Variants in YIPF7 observed in about 807,000 individuals in gnomAD.
The protein encoded by YIPF7 is protein YIPF7.
A neutral mutation model predicts 27.2 loss-of-function variants in YIPF7; 35 were observed. The observed-to-expected ratio is 1.29, with a 90% CI of 0.98 to 1.70. The LOEUF is 1.70. Among genes scored for constraint, YIPF7 ranks in the 40% most tolerant of loss-of-function variants. The probability of loss-of-function intolerance (pLI) is 0.00; values close to 1 mark genes in which losing one functional copy is unlikely to be tolerated. For synonymous variants in YIPF7, 137 were observed against 110.4 expected (o/e 1.24, Z -1.51); for missense variants, 358 against 303.7 (o/e 1.18, Z -1.33).
At chr4:44,659,945 CT>C (rs1713997254) in intron 2 of YIPF7, among the ~76,000 whole-genome samples, 1 of 151,488 alleles carries the variant, frequency 6.6e-6, no homozygotes, top group African/African-American at 2.4e-5. Context: ...AACCCCGTCT[CT>C]ACTAAAAATA....
At chr4:44,652,778 A>G (rs548632748), upstream of YIPF7, among the ~76,000 whole-genome samples, 1 of 152,302 alleles carries the variant, frequency 6.6e-6, no homozygotes, top group East Asian at 1.9e-4. Context: ...ATAACTGGGC[A>G]TTGTTCTACA....
upstream of YIPF7, among the ~76,000 whole-genome samples, chr4:44,655,255 T>A (rs1324226228): frequency 6.6e-6 from 1 of 152,070 alleles, no homozygotes; most frequent in Non-Finnish European, 1.5e-5. Context: ...TGTCTATTAA[T>A]CTAAGTATAA....
intron 1 of YIPF7, among the ~76,000 whole-genome samples, chr4:44,660,873 G>A (rs536524222): frequency 4.6e-5 from 7 of 152,254 alleles, no homozygotes; most frequent in Non-Finnish European, 7.4e-5. Context: ...GGAAAAAATT[G>A]AGACTTATTT....
chr4:44,628,058 T>C (rs1162713444), intron 4 of YIPF7, among the ~76,000 whole-genome samples: 1 of 152,176 alleles, frequency 6.6e-6, no homozygotes, highest in Admixed American at 6.5e-5. Context: ...TGAGTTAATA[T>C]ATTAAATTGA....
At chr4:44,629,125 C>A (rs954425758) in intron 4 of YIPF7, 7 of 263,912 alleles carry the variant, frequency 2.7e-5, no homozygotes, top group Non-Finnish European at 4.2e-5. Flanking sequence ...TTCCATTATT[C>A]CAGATTTACA....
chr4:44,629,961 C>T (rs1367769274), intron 3 of YIPF7, among the ~76,000 whole-genome samples: 1 of 152,094 alleles, frequency 6.6e-6, no homozygotes, highest in African/African-American at 2.4e-5. Context: ...ATTTCCTTTT[C>T]CTGCATTTTC....
At chr4:44,642,312 A>T (rs1713352450) in intron 2 of YIPF7, among the ~76,000 whole-genome samples, 1 of 152,194 alleles carries the variant, frequency 6.6e-6, no homozygotes, top group Admixed American at 6.5e-5. Flanking sequence ...TTCCTCTACC[A>T]CTTATTTAAG....
chr4:44,629,382 G>T, intron 4 of YIPF7, 21 bp downstream of exon 4: 1 of 1,568,080 alleles, frequency 6.4e-7, no homozygotes. Context: ...TTAAAATCTG[G>T]TGCTTCCTGT....
At position 44,622,560 on chromosome 4, in the gene YIPF7, T is replaced by C. The variant is rs1187817413; in HGVS notation, c.625A>G (p.Met209Val). ...CAGCCAATGATGACCAGGGATGACA[T>C]GATTCCAAAGATGCCCCTGCAGCAA... ...FFSLQGIFGI[M>V]SSLVIIGWCS... The change falls in exon 6 of 6, where the codon ATG becomes GTG. Residue 209 changes from methionine (M) to valine (V), a missense_variant. Met to Val is a conservative substitution (Grantham distance 21). Coordinates refer to ENST00000415895, the MANE Select transcript of YIPF7 (RefSeq NM_182592.3). The C allele has an allele frequency of 2.5e-6, 4 of 1,613,216 alleles. No homozygotes were observed. Among genetic ancestry groups the C allele is most frequent in the Admixed American group, 1.7e-5 (1 of 59,870 alleles).
chr4:44,646,824 C>A (rs987890533), intron 2 of YIPF7, among the ~76,000 whole-genome samples: 6 of 152,060 alleles, frequency 3.9e-5, no homozygotes, highest in South Asian at 2.1e-4. Flanking sequence ...GTGAAAGAGG[C>A]AAAGACAGAG....
At chr4:44,635,719 T>G (rs1347902) in intron 3 of YIPF7, among the ~76,000 whole-genome samples, 1 of 152,112 alleles carries the variant, frequency 6.6e-6, no homozygotes, top group African/African-American at 2.4e-5. Flanking sequence ...ACAGAATATC[T>G]CATATCTGCA....
chr4:44,624,938 T>C (rs950212910), intron 4 of YIPF7, among the ~76,000 whole-genome samples, 156 bp from the exon 5 acceptor site: 4 of 152,120 alleles, frequency 2.6e-5, no homozygotes, highest in Non-Finnish European at 5.9e-5. Context: ...GGGAAAAACA[T>C]GGCCAATGGT....
At chr4:44,641,984 CT>C (rs1713341216) in intron 2 of YIPF7, among the ~76,000 whole-genome samples, 1 of 152,046 alleles carries the variant, frequency 6.6e-6, no homozygotes, top group African/African-American at 2.4e-5. Context: ...CCCCCAATAC[CT>C]ATTTTTTTAA....
At chr4:44,624,484 A>G in intron 5 of YIPF7, 117 bp downstream of exon 5, 1 of 1,211,300 alleles carries the variant, frequency 8.3e-7, no homozygotes, top group South Asian at 1.8e-5. Context: ...TTTAATAGCC[A>G]TGGTTTTCCC....
chr4:44,651,895 A>C (rs921626570), upstream of YIPF7, among the ~76,000 whole-genome samples: 3 of 152,222 alleles, frequency 2.0e-5, no homozygotes, highest in Non-Finnish European at 2.9e-5. Flanking sequence ...AGCAGTTAAA[A>C]AGTAAGAGGC....
chr4:44,634,144 T>C (rs1713022692), intron 3 of YIPF7, among the ~76,000 whole-genome samples: 1 of 152,210 alleles, frequency 6.6e-6, no homozygotes, highest in Non-Finnish European at 1.5e-5. Context: ...AAGGCGTGTT[T>C]AAATTACGGT....
At chr4:44,627,700 C>G (rs1375167732) in intron 4 of YIPF7, among the ~76,000 whole-genome samples, 1 of 152,080 alleles carries the variant, frequency 6.6e-6, no homozygotes, top group Non-Finnish European at 1.5e-5. Context: ...CGTATTTTCA[C>G]ATATTCTCCA....
At chr4:44,643,244 G>A (rs186088096) in intron 2 of YIPF7, among the ~76,000 whole-genome samples, 30 of 152,286 alleles carry the variant, frequency 2.0e-4, no homozygotes, top group African/African-American at 6.7e-4. Context: ...AAGAGACTGG[G>A]TGCATTGTGC....
In YIPF7 at chr4:44,649,529, G is replaced by A. The variant is rs191090885; in HGVS notation, c.116+456C>T. 4.0e-3 allele frequency among the ~76,000 whole-genome samples: 604 copies of A among 152,092 alleles called. 3 individuals are homozygous for A. The highest frequency in any genetic ancestry group is 6.6e-3 in the Non-Finnish European group (447 of 67,986). Reference sequence around the variant, plus strand: ...TTAATGCTTATAATCCAAACACTTTGGGAGGCCCAGCGGGGCGGATCACTT... The same window carrying A: ...TTAATGCTTATAATCCAAACACTTTAGGAGGCCCAGCGGGGCGGATCACTT... On this transcript the variant is annotated intron_variant, in intron 2 of 5. Coordinates refer to ENST00000415895, the MANE Select transcript of YIPF7 (RefSeq NM_182592.3).
Sources: gnomAD v4.1 joint callset for allele counts (sites outside exome capture counted in the v4.1 genomes callset) on GRCh38, gnomAD v4.1.1 for gene constraint, MANE v1.5 for transcripts, NCBI Gene and HGNC (gene_info 2026-07-23, HGNC 2026-07-21) for gene names.